Variants in TRERF1 observed in about 807,000 individuals in gnomAD.
TRERF1 encodes the protein transcriptional-regulating factor 1.
In TRERF1, 27 loss-of-function variants were observed where a neutral mutation model predicts 122.9. The ratio of observed to expected loss-of-function variants is 0.22; its 90% CI spans 0.16 to 0.30. TRERF1 has a LOEUF of 0.30. Among genes scored for constraint, TRERF1 ranks in the 10% least tolerant of loss-of-function variants. The pLI is 1.00. For missense variants in TRERF1, 1,248 were observed against 1,560.3 expected, an observed-to-expected ratio of 0.80 and a Z score of 3.37; for synonymous variants, 636 against 641.7, an observed-to-expected ratio of 0.99 and a Z score of 0.13.
chr6:42,356,603 T>C (rs1394207696), intron 3 of TRERF1, among the ~76,000 whole-genome samples: 4 of 152,238 alleles, frequency 2.6e-5, no homozygotes, highest in African/African-American at 9.6e-5. Context: ...AGATGGAGTC[T>C]TGCTCTTGTT....
intron 2 of TRERF1, among the ~76,000 whole-genome samples, chr6:42,376,990 C>A (rs1775003629): frequency 6.6e-6 from 1 of 152,032 alleles, no homozygotes; most frequent in Non-Finnish European, 1.5e-5. Flanking sequence ...CTCAGCCTCC[C>A]AAGTAGCTGG....
chr6:42,451,725 T>C (rs947511695), intron 1 of TRERF1, among the ~76,000 whole-genome samples: 4 of 150,674 alleles, frequency 2.7e-5, no homozygotes, highest in South Asian at 2.1e-4. Flanking sequence ...CTCCCAGATA[T>C]AGCGCCCGCC....
chr6:42,452,206 C>T (rs1312477225), upstream of TRERF1, among the ~76,000 whole-genome samples: 9 of 128,622 alleles, frequency 7.0e-5, no homozygotes, highest in Admixed American at 1.7e-4. Context: ...AAATTATTTT[C>T]TTGCAAAAGG....
intron 4 of TRERF1, among the ~76,000 whole-genome samples, chr6:42,274,512 T>TA (rs34222643): frequency 2.1e-4 from 32 of 150,554 alleles, no homozygotes; most frequent in African/African-American, 6.3e-4. Flanking sequence ...CTGTCTCTAC[T>TA]AAAAAAAAAT....
At chr6:42,379,675 C>T (rs781303401) in intron 2 of TRERF1, among the ~76,000 whole-genome samples, 11 of 152,160 alleles carry the variant, frequency 7.2e-5, no homozygotes, top group Non-Finnish European at 1.0e-4. Context: ...GGACCACAGG[C>T]GTGTGCTACC....
intron 3 of TRERF1, among the ~76,000 whole-genome samples, chr6:42,342,051 C>A (rs542945169): frequency 2.7e-4 from 41 of 152,332 alleles, no homozygotes; most frequent in African/African-American, 9.9e-4. Context: ...ATACTGCAAC[C>A]ATTTTCCAGG....
rs200931102 is a variant in TRERF1 at position 42,358,796 on chromosome 6, T to TC, written c.-371+4200_-371+4201insG. On this transcript the variant is annotated intron_variant, in intron 3 of 17. Coordinates refer to ENST00000372922, the Ensembl canonical transcript of TRERF1. ...AATGACCTAAAGCTTTTTTTTTTTT[T>TC]TTTTTTTCTCCTAGTGCTTTCTGGG... is the stretch of plus-strand genomic sequence containing the variant. Among the ~76,000 whole-genome samples the TC allele has an allele frequency of 7.9e-4, 120 of 151,174 alleles. 1 individual carries two copies. The East Asian group carries it at 0.022, about 28-fold the overall frequency.
At chr6:42,229,877 T>C (rs961311216) in intron 17 of TRERF1, among the ~76,000 whole-genome samples, 15 of 152,256 alleles carry the variant, frequency 9.9e-5, no homozygotes, top group African/African-American at 3.4e-4. Context: ...AATAAAGTTT[T>C]ATTGGCACAT....
chr6:42,287,618 T>C (rs1001928727), intron 4 of TRERF1, among the ~76,000 whole-genome samples: 10 of 152,124 alleles, frequency 6.6e-5, no homozygotes, highest in Non-Finnish European at 5.9e-5. Context: ...TTCACTTAAC[T>C]GAAACAACTG....
chr6:42,360,147 T>A (rs1771446207), intron 3 of TRERF1, among the ~76,000 whole-genome samples: 1 of 152,216 alleles, frequency 6.6e-6, no homozygotes, highest in Non-Finnish European at 1.5e-5. Context: ...AAGGTAACAT[T>A]TATTGGGCTA....
intron 13 of TRERF1, among the ~76,000 whole-genome samples, chr6:42,254,265 G>A (rs1470222726): frequency 6.6e-6 from 1 of 152,144 alleles, no homozygotes; most frequent in African/African-American, 2.4e-5. Context: ...GTAGGACTCT[G>A]CCCATGTCTG....
chr6:42,263,138 T>C lies in TRERF1; in HGVS notation c.1884+182A>G. On this transcript the variant is annotated intron_variant, in intron 8 of 17. Transcript: ENST00000372922. This position sits in a 1 kb window ranked among gnomAD's most constrained non-coding sequence, Gnocchi z 5.6. ...GTAGGGTTCCCAATGTGGCCACGGG[T>C]TCAGCCCTGAGAGACCAAGCCGTAT... 2.2e-6 allele frequency: 3 copies of C among 1,342,266 alleles called. No homozygotes were observed. The highest frequency in any genetic ancestry group is 1.9e-6 in the Non-Finnish European group (2 of 1,047,464). 83.1% of individuals were successfully genotyped at this position (1,342,266 alleles called of 1,614,324 possible).
chr6:42,374,384 C>G (rs184865579), intron 2 of TRERF1, among the ~76,000 whole-genome samples: 2 of 152,272 alleles, frequency 1.3e-5, no homozygotes, highest in Admixed American at 6.5e-5. Flanking sequence ...GGTTGTGTCT[C>G]GTCACCATCA....
rs1395913083 is a variant in TRERF1, at chr6:42,236,198, C to T, written c.3066+7G>A. On this transcript the variant is annotated splice_region_variant and intron_variant, in intron 16 of 17. Transcript: ENST00000372922. ...CCCAGATCCCCAGACGACACAGACACACTTACAGCCCCACAGTTGGGCATT... is the reference window on the plus strand; with the variant it reads ...CCCAGATCCCCAGACGACACAGACATACTTACAGCCCCACAGTTGGGCATT... 6.4e-7 allele frequency: 1 copy of T among 1,564,622 alleles called. No individual in the cohort carries two copies. The highest frequency in any genetic ancestry group is 2.0e-5 in the Admixed American group (1 of 50,166).
chr6:42,379,397 A>G (rs897935510), intron 2 of TRERF1, among the ~76,000 whole-genome samples: 5 of 151,862 alleles, frequency 3.3e-5, no homozygotes, highest in Admixed American at 6.6e-5. Flanking sequence ...AAATCAAACC[A>G]TCCTTAAAAC....
intron 2 of TRERF1, among the ~76,000 whole-genome samples, chr6:42,386,237 T>C (rs1475159983): frequency 6.6e-6 from 1 of 152,108 alleles, no homozygotes; most frequent in Admixed American, 6.5e-5. Flanking sequence ...TTTTGCCATG[T>C]TATCAGTTCA....
intron 3 of TRERF1, among the ~76,000 whole-genome samples, chr6:42,314,117 T>C (rs1256656722): frequency 6.6e-6 from 1 of 152,080 alleles, no homozygotes; most frequent in African/African-American, 2.4e-5. Context: ...TGACCTCTTG[T>C]GGCTCATAAC....
At chr6:42,383,975 T>C (rs985471752) in intron 2 of TRERF1, among the ~76,000 whole-genome samples, 23 of 151,776 alleles carry the variant, frequency 1.5e-4, no homozygotes, top group Admixed American at 1.5e-3. Context: ...CATCAATGAA[T>C]GAGACATCCT....
chr6:42,284,626 G>A (rs1440317408), intron 4 of TRERF1, among the ~76,000 whole-genome samples: 3 of 152,168 alleles, frequency 2.0e-5, no homozygotes, highest in Non-Finnish European at 4.4e-5. Flanking sequence ...ACTGGCATAA[G>A]CAGGTTTGAG....
Sources: gnomAD v4.1 joint callset for allele counts (sites outside exome capture counted in the v4.1 genomes callset) on GRCh38, gnomAD v4.1.1 for gene constraint, Gnocchi (gnomAD v3.1) non-coding constraint, MANE v1.5 for transcripts, NCBI Gene and HGNC (gene_info 2026-07-23, HGNC 2026-07-21) for gene names.